SULT1E1: variants seen among roughly 807,000 people sequenced by gnomAD.
SULT1E1 encodes sulfotransferase 1E1.
Under a neutral mutation model 33.6 loss-of-function variants are expected in SULT1E1, and 36 were observed. That is an observed-to-expected ratio of 1.07 (90% CI 0.82 to 1.41). SULT1E1 has a LOEUF of 1.41. Ranked by LOEUF, SULT1E1 falls within the 40% of genes most tolerant of loss-of-function variation. The probability of loss-of-function intolerance (pLI) is 0.00; values close to 1 mark genes in which losing one functional copy is unlikely to be tolerated. For synonymous variants in SULT1E1, 121 were observed against 111.7 expected, an observed-to-expected ratio of 1.08 and a Z score of -0.53; for missense variants, 371 against 345.7, an observed-to-expected ratio of 1.07 and a Z score of -0.58.
chr4:69,839,249 GAA>G (rs1448614166), downstream of SULT1E1, among the ~76,000 whole-genome samples: 1 of 152,196 alleles, frequency 6.6e-6, no homozygotes, highest in Non-Finnish European at 1.5e-5. Flanking sequence ...TTGGGAAACT[GAA>G]AAGTCCAAGA....
At chr4:69,838,059 T>A (rs150084993), downstream of SULT1E1, among the ~76,000 whole-genome samples, 173 of 152,314 alleles carry the variant, frequency 1.1e-3, no homozygotes, top group African/African-American at 3.8e-3. Context: ...TCAAATTTAC[T>A]AGCATAAAGT....
chr4:69,854,489 A>G (rs982105028), intron 3 of SULT1E1, among the ~76,000 whole-genome samples, 175 bp from the exon 4 acceptor site: 7 of 152,038 alleles, frequency 4.6e-5, no homozygotes, highest in Non-Finnish European at 8.8e-5. Flanking sequence ...CCATGGTGTA[A>G]TTATTATGCA....
At chr4:69,843,319 T>G in intron 7 of SULT1E1, among the ~76,000 whole-genome samples, 1 of 152,210 alleles carries the variant, frequency 6.6e-6, no homozygotes, top group Admixed American at 6.5e-5. Context: ...TTAAGTCCTC[T>G]GTAACATTTA....
In SULT1E1 at chr4:69,853,935, A is replaced by C. The variant is rs1366498739; in HGVS notation, c.369+282T>G. Among the ~76,000 whole-genome samples the C allele has an allele frequency of 2.0e-5, 3 of 152,210 alleles. No individual in the cohort carries two copies. The East Asian group carries it at 5.8e-4, about 29-fold the overall frequency. On this transcript the variant is annotated intron_variant, in intron 4 of 7. Coordinates refer to ENST00000226444, the MANE Select transcript of SULT1E1 (RefSeq NM_005420.3). ...TTATAAGCATTATCATGTAATCCTTATAACAATTCCATGAAAAAGATGTTA... is the reference window on the plus strand; with the variant it reads ...TTATAAGCATTATCATGTAATCCTTCTAACAATTCCATGAAAAAGATGTTA...
intron 4 of SULT1E1, among the ~76,000 whole-genome samples, chr4:69,852,460 T>C (rs1721145621): frequency 6.6e-6 from 1 of 152,144 alleles, no homozygotes; most frequent in South Asian, 2.1e-4. Context: ...CCATAATCTT[T>C]TCTTCCAAAA....
chr4:69,832,512 C>G, the SULT1E1 span, among the ~76,000 whole-genome samples: 161 of 152,320 alleles, frequency 1.1e-3, 1 homozygote, highest in Middle Eastern at 0.02. Flanking sequence ...CATATACCTA[C>G]TCCTAAGTGG....
At chr4:69,845,847 A>G (rs996861724) in intron 6 of SULT1E1, among the ~76,000 whole-genome samples, 1 of 151,176 alleles carries the variant, frequency 6.6e-6, no homozygotes, top group Non-Finnish European at 1.5e-5. Flanking sequence ...ACAGTATTGG[A>G]TAATATAATA....
the SULT1E1 span, among the ~76,000 whole-genome samples, chr4:69,835,741 G>A: frequency 6.6e-6 from 1 of 152,036 alleles, no homozygotes; most frequent in Non-Finnish European, 1.5e-5. Flanking sequence ...TACCAAATAC[G>A]TATCCTTGGG....
chr4:69,849,280 A>G, intron 5 of SULT1E1, 157 bp downstream of exon 5: 1 of 734,742 alleles, frequency 1.4e-6, no homozygotes, highest in Non-Finnish European at 2.1e-6. Context: ...TGGACACAGT[A>G]TGCTTGCTCT....
chr4:69,858,593 T>C (rs1303929500), intron 1 of SULT1E1, among the ~76,000 whole-genome samples: 4 of 152,144 alleles, frequency 2.6e-5, no homozygotes, highest in African/African-American at 9.6e-5. Context: ...CCCAAAAACC[T>C]GCCTGATAAG....
chr4:69,829,309 G>A, the SULT1E1 span, among the ~76,000 whole-genome samples: 109 of 152,224 alleles, frequency 7.2e-4, no homozygotes, highest in African/African-American at 2.1e-3. Flanking sequence ...TTATGAAGTC[G>A]CTCTAAGTGT....
intron 3 of SULT1E1, among the ~76,000 whole-genome samples, chr4:69,854,551 A>C (rs937581661): frequency 3.3e-5 from 5 of 152,134 alleles, no homozygotes; most frequent in African/African-American, 1.2e-4. Context: ...TTTACATCTA[A>C]TATATATTCA....
chr4:69,855,337 G>C lies in SULT1E1; in HGVS notation c.235C>G (p.Pro79Ala), dbSNP rs758649472. Reference protein sequence around the residue: ...CKEDVIFNRIPFLECRKENLM... With the variant: ...CKEDVIFNRIAFLECRKENLM... ...TTTTCTTTTCTGCATTCCAGGAAAG[G>C]TATTCGATTAAAAATTACATCTTCT... The change falls in exon 3 of 8, where the codon CCT becomes GCT. Residue 79 changes from proline (P) to alanine (A), a missense_variant. By Grantham distance (27) the Pro-to-Ala change is conservative. Coordinates refer to ENST00000226444, the MANE Select transcript of SULT1E1 (RefSeq NM_005420.3). 2 of 1,612,914 alleles carry C rather than the reference G, an allele frequency of 1.2e-6. No individual in the cohort carries two copies. The highest frequency in any genetic ancestry group is 1.7e-6 in the Non-Finnish European group (2 of 1,179,424).
downstream of SULT1E1, chr4:69,838,619 T>A (rs1161193800): frequency 1.3e-5 from 2 of 152,156 alleles, no homozygotes; most frequent in Non-Finnish European, 2.9e-5. Flanking sequence ...TTCTTTCCCT[T>A]TGTTCCCTTG....
chr4:69,837,102 T>G (rs1190584873), downstream of SULT1E1, among the ~76,000 whole-genome samples: 1 of 147,984 alleles, frequency 6.8e-6, no homozygotes, highest in East Asian at 2.0e-4. Flanking sequence ...AAAAAAAAAA[T>G]GTAGGTAGGG....
chr4:69,840,975 G>A (rs1000654155), downstream of SULT1E1, among the ~76,000 whole-genome samples: 1 of 152,134 alleles, frequency 6.6e-6, no homozygotes, highest in African/African-American at 2.4e-5. Flanking sequence ...GAACCCAGGA[G>A]GTGGAGCTTG....
intron 7 of SULT1E1, among the ~76,000 whole-genome samples, chr4:69,843,659 C>T (rs932532687): frequency 2.3e-4 from 35 of 152,084 alleles, no homozygotes; most frequent in Non-Finnish European, 4.1e-4. Flanking sequence ...ATTTTTTTCT[C>T]CTTATATGTT....
intron 5 of SULT1E1, among the ~76,000 whole-genome samples, chr4:69,848,560 T>C (rs1182478020): frequency 6.6e-6 from 1 of 151,916 alleles, no homozygotes; most frequent in Non-Finnish European, 1.5e-5. Context: ...TTTATAGTGA[T>C]CTTATTTCTC....
the SULT1E1 span, among the ~76,000 whole-genome samples, chr4:69,824,983 GC>G: frequency 6.6e-6 from 1 of 152,204 alleles, no homozygotes; most frequent in African/African-American, 2.4e-5. Context: ...ACTTTTAAGA[GC>G]TGTAATATTC....
Sources: gnomAD v4.1 joint callset for allele counts (sites outside exome capture counted in the v4.1 genomes callset) on GRCh38, gnomAD v4.1.1 for gene constraint, MANE v1.5 for transcripts, NCBI Gene and HGNC (gene_info 2026-07-23, HGNC 2026-07-21) for gene names.